Variants in SPOCK3 observed in about 807,000 individuals in gnomAD.
SPOCK3 encodes the protein testican-3.
SPOCK3 carries 30 observed loss-of-function variants against 56.6 expected under a neutral mutation model. The observed-to-expected ratio is 0.53, with a 90% CI of 0.40 to 0.72. The LOEUF (loss-of-function observed/expected upper bound fraction) is 0.72. Ranked by LOEUF, SPOCK3 falls within the 30% of genes least tolerant of loss-of-function variation. SPOCK3 has a pLI of 0.00. For synonymous variants in SPOCK3, 196 were observed against 183.3 expected (o/e 1.07, Z -0.56); for missense variants, 527 against 530.0 (o/e 0.99, Z 0.06).
At chr4:167,172,219 A>C (rs572033918) in intron 2 of SPOCK3, among the ~76,000 whole-genome samples, 12 of 152,314 alleles carry the variant, frequency 7.9e-5, no homozygotes, top group Admixed American at 5.9e-4. Flanking sequence ...CAAATCCAGT[A>C]TTGCTGATGC....
At chr4:167,122,976 C>T (rs1224255469) in intron 2 of SPOCK3, among the ~76,000 whole-genome samples, 3 of 151,012 alleles carry the variant, frequency 2.0e-5, no homozygotes, top group South Asian at 2.1e-4. Flanking sequence ...AAAAAAAATA[C>T]GGAGAGTTTT....
chr4:167,104,075 A>G (rs1422457370), intron 2 of SPOCK3, among the ~76,000 whole-genome samples: 1 of 152,160 alleles, frequency 6.6e-6, no homozygotes, highest in East Asian at 1.9e-4. Flanking sequence ...CACAACACCC[A>G]AGTCCTTTCA....
chr4:166,738,429 T>A (rs1223345277), intron 9 of SPOCK3, among the ~76,000 whole-genome samples: 1 of 151,490 alleles, frequency 6.6e-6, no homozygotes, highest in Non-Finnish European at 1.5e-5. Flanking sequence ...TATTTATTTA[T>A]TTATTTATTT....
intron 5 of SPOCK3, among the ~76,000 whole-genome samples, chr4:166,907,552 A>C (rs1288957352): frequency 2.0e-5 from 3 of 152,132 alleles, no homozygotes; most frequent in African/African-American, 7.2e-5. Context: ...ACTGAAGACA[A>C]GAGAGGATGT....
intron 4 of SPOCK3, among the ~76,000 whole-genome samples, chr4:166,961,084 G>A (rs963354375): frequency 1.3e-5 from 2 of 151,922 alleles, no homozygotes; most frequent in African/African-American, 4.8e-5. Flanking sequence ...TGGAAAGACA[G>A]GCAAATGATA....
intron 7 of SPOCK3, among the ~76,000 whole-genome samples, chr4:166,784,435 T>A (rs1479554141): frequency 6.6e-6 from 1 of 152,128 alleles, no homozygotes; most frequent in Non-Finnish European, 1.5e-5. Flanking sequence ...CTTAAGCATA[T>A]AATTAAATTT....
At chr4:166,772,464 AT>A (rs1300389992) in intron 7 of SPOCK3, among the ~76,000 whole-genome samples, 3 of 152,172 alleles carry the variant, frequency 2.0e-5, no homozygotes, top group African/African-American at 7.2e-5. Context: ...TACAATTCAC[AT>A]AATTATAATA....
rs113598736 is a variant in SPOCK3 at position 166,843,939 on chromosome 4, A to G, written c.589+45191T>C. ...GCTAGTTTCCTAGGTGATGAGAAAC[A>G]TGGCCTAGCTATCCTCATCATCCCA... is the stretch of plus-strand genomic sequence containing the variant. On this transcript the variant is annotated intron_variant, in intron 6 of 10. Transcript: ENST00000357545. 2.5e-3 allele frequency among the ~76,000 whole-genome samples: 380 copies of G among 152,306 alleles called. 1 individual carries two copies. Among genetic ancestry groups the G allele is most frequent in the Non-Finnish European group, 4.0e-3 (272 of 68,022 alleles).
chr4:167,109,461 T>C (rs1396682547), intron 2 of SPOCK3, among the ~76,000 whole-genome samples: 2 of 107,062 alleles, frequency 1.9e-5, no homozygotes, highest in Non-Finnish European at 1.8e-5. Context: ...TATATACATA[T>C]ATAGTTATAA....
chr4:167,099,899 C>G (rs1234397303), intron 2 of SPOCK3, among the ~76,000 whole-genome samples: 1 of 152,030 alleles, frequency 6.6e-6, no homozygotes, highest in African/African-American at 2.4e-5. Context: ...CATTGAAGAG[C>G]TTTTCAAAAT....
At chr4:167,075,108 T>C (rs893144862) in intron 2 of SPOCK3, among the ~76,000 whole-genome samples, 1 of 151,960 alleles carries the variant, frequency 6.6e-6, no homozygotes, top group African/African-American at 2.4e-5. Context: ...GTAAACTTTG[T>C]TGTGTATGCC....
chr4:167,026,595 T>C (rs1055992205), intron 3 of SPOCK3, among the ~76,000 whole-genome samples: 8 of 152,040 alleles, frequency 5.3e-5, no homozygotes, highest in African/African-American at 1.9e-4. Context: ...AATTGAATTA[T>C]TAAATTTTAA....
chr4:166,994,847 A>G (rs1471577690), intron 4 of SPOCK3, among the ~76,000 whole-genome samples: 1 of 152,142 alleles, frequency 6.6e-6, no homozygotes, highest in Non-Finnish European at 1.5e-5. Context: ...CAGGGTGATA[A>G]TAGAATAACT....
intron 4 of SPOCK3, among the ~76,000 whole-genome samples, chr4:166,964,570 TGA>T (rs1744490526): frequency 6.6e-6 from 1 of 151,742 alleles, no homozygotes; most frequent in African/African-American, 2.4e-5. Flanking sequence ...TACAACAGGA[TGA>T]GTTTGATTCC....
At chr4:167,058,196 G>A (rs1190019603) in intron 3 of SPOCK3, among the ~76,000 whole-genome samples, 1 of 152,138 alleles carries the variant, frequency 6.6e-6, no homozygotes, top group South Asian at 2.1e-4. Flanking sequence ...ATTAGGAAAA[G>A]AGGAAGTCAA....
intron 4 of SPOCK3, among the ~76,000 whole-genome samples, chr4:166,935,011 C>T (rs1427279193): frequency 6.6e-5 from 10 of 152,152 alleles, no homozygotes; most frequent in East Asian, 1.9e-4. Context: ...GCAAAAAAGT[C>T]GGCTTGACCT....
At chr4:166,820,930 G>C (rs765289157) in intron 6 of SPOCK3, among the ~76,000 whole-genome samples, 1 of 151,868 alleles carries the variant, frequency 6.6e-6, no homozygotes, top group African/African-American at 2.4e-5. Context: ...AAACACTATC[G>C]ATAAATGAAA....
At chr4:166,988,382 A>T (rs1006332621) in intron 4 of SPOCK3, among the ~76,000 whole-genome samples, 1 of 152,088 alleles carries the variant, frequency 6.6e-6, no homozygotes, top group African/African-American at 2.4e-5. Context: ...CTGAGAACAG[A>T]AGGGAAGATA....
At chr4:167,173,634 G>A (rs541993439) in intron 2 of SPOCK3, among the ~76,000 whole-genome samples, 5 of 152,202 alleles carry the variant, frequency 3.3e-5, no homozygotes, top group Admixed American at 2.6e-4. Context: ...ACTGGCTTGA[G>A]CTTTCTTTTC....
Sources: gnomAD v4.1 joint callset for allele counts (sites outside exome capture counted in the v4.1 genomes callset) on GRCh38, gnomAD v4.1.1 for gene constraint, MANE v1.5 for transcripts, NCBI Gene and HGNC (gene_info 2026-07-23, HGNC 2026-07-21) for gene names.